The following UGGT2 variants were observed in gnomAD, a reference collection of about 807,000 sequenced individuals.
UGGT2 encodes UDP-glucose glycoprotein glucosyltransferase 2, also known as UDP-glucose:glycoprotein glucosyltransferase 2.
Under a neutral mutation model 192.1 loss-of-function variants are expected in UGGT2, and 180 were observed. That is an observed-to-expected ratio of 0.94 (90% confidence interval 0.83 to 1.06). The LOEUF (loss-of-function observed/expected upper bound fraction) is 1.06, where lower values mean the gene tolerates loss of function less well. Ranked by LOEUF, UGGT2 falls within the 50% of genes least tolerant of loss-of-function variation. The pLI is 0.00. For missense variants in UGGT2, 1,849 were observed against 1,795.7 expected (o/e 1.03, Z -0.54); for synonymous variants, 580 against 591.0 (o/e 0.98, Z 0.27).
chr13:95,926,930 A>G lies in UGGT2; in HGVS notation c.2200+98T>C. 7 of 1,189,020 alleles carry G rather than the reference A, an allele frequency of 5.9e-6. No individual in the cohort carries two copies. In the South Asian group the frequency reaches 1.1e-4, roughly 19 times the overall value. The allele number at this position is 1,189,020 out of a possible 1,614,324, so 73.7% of individuals were successfully genotyped here. ...AAATTGAAATCTAGGCCTCTACTCA[A>G]AAATAGCAACATATTAAAATTTATT... is the stretch of plus-strand genomic sequence containing the variant. On this transcript the variant is annotated intron_variant, in intron 19 of 38. Coordinates refer to ENST00000376747, the MANE Select transcript of UGGT2 (RefSeq NM_020121.4).
intron 38 of UGGT2, among the ~76,000 whole-genome samples, chr13:95,804,490 T>C (rs1230559087): frequency 6.6e-6 from 1 of 152,186 alleles, no homozygotes; most frequent in Non-Finnish European, 1.5e-5. Context: ...TCACAAGGGA[T>C]GCCGAAAATA....
intron 26 of UGGT2, 74 bp downstream of exon 26, chr13:95,887,818 A>G (rs1207830106): frequency 1.1e-6 from 1 of 896,392 alleles, no homozygotes; most frequent in Non-Finnish European, 1.8e-6. Context: ...AACCAGGTCC[A>G]GTAACAATGA....
chr13:95,865,552 T>C (rs1174742000), intron 30 of UGGT2, among the ~76,000 whole-genome samples: 1 of 152,138 alleles, frequency 6.6e-6, no homozygotes, highest in Admixed American at 6.5e-5. Flanking sequence ...TGGTCCCAGT[T>C]ACTCAGGGGG....
At position 95,877,311 on chromosome 13, in the gene UGGT2, T is replaced by C; in HGVS notation, c.3441A>G (p.Gln1147=). 1 of 1,603,748 alleles carries C rather than the reference T, an allele frequency of 6.2e-7. No homozygotes were observed. Among genetic ancestry groups the C allele is most frequent in the Non-Finnish European group, 8.5e-7 (1 of 1,176,512 alleles). The change falls in exon 29 of 39, where the codon CAA becomes CAG. Residue 1147 remains glutamine (Q), a synonymous_variant. Transcript: ENST00000376747. ...NPGAWILRLH[Q]GKSEDIYQIV... is the part of the protein sequence containing the mutation. ...TTTGATAAATATCTTCAGATTTTCCTTGGTGTAACCTCAGTATCCAAGCAC... is the reference window on the plus strand; with the variant it reads ...TTTGATAAATATCTTCAGATTTTCCCTGGTGTAACCTCAGTATCCAAGCAC...
In UGGT2 at chr13:95,986,363, T is replaced by A. The variant is rs200277845; in HGVS notation, c.1001A>T (p.Asp334Val). The A allele has an allele frequency of 1.2e-6, 2 of 1,603,802 alleles. No individual in the cohort carries two copies. The highest frequency in any genetic ancestry group is 4.5e-5 in the East Asian group (2 of 44,594). The change falls in exon 9 of 39, where the codon GAC becomes GTC. Residue 334 changes from aspartate (D) to valine (V), a missense_variant. Coordinates refer to ENST00000376747, the MANE Select transcript of UGGT2 (RefSeq NM_020121.4). ...PVYDSIKLMK[D>V]ISQNFPIKAR... ...TTTTATGGGGAAGTTCTGTGAAATG[T>A]CTTTCATTAATTTAATGGAATCATA...
At chr13:96,042,471 C>A (rs1249216093) in intron 1 of UGGT2, among the ~76,000 whole-genome samples, 3 of 151,902 alleles carry the variant, frequency 2.0e-5, no homozygotes, top group African/African-American at 4.8e-5. Context: ...TAACACCCCC[C>A]AAAAAAATCA....
intron 36 of UGGT2, 33 bp downstream of exon 36, chr13:95,853,510 C>G (rs568473882): frequency 6.4e-7 from 1 of 1,574,404 alleles, no homozygotes; most frequent in South Asian, 1.1e-5. Flanking sequence ...TATGTACACA[C>G]ACTCAAAATT....
rs564052798 is a variant in UGGT2, at chr13:96,021,330, T to C, written c.485+1710A>G. Among the ~76,000 whole-genome samples the C allele has an allele frequency of 2.6e-5, 4 of 152,348 alleles. No homozygotes were observed. In the South Asian group the frequency reaches 8.3e-4, roughly 32 times the overall value. ...GTAATCTTCAAGATACTTTAGTTTC[T>C]ATAATTATAAAAGTTGACATCAGAA... On this transcript the variant is annotated intron_variant, in intron 4 of 38. Transcript: ENST00000376747.
chr13:96,036,943 T>C (rs1247402394), intron 1 of UGGT2, among the ~76,000 whole-genome samples: 1 of 152,182 alleles, frequency 6.6e-6, no homozygotes, highest in East Asian at 1.9e-4. Flanking sequence ...AAAGTTTTTT[T>C]AAAGGTAACA....
chr13:95,882,741 A>G (rs2047529200), intron 27 of UGGT2, among the ~76,000 whole-genome samples: 1 of 152,218 alleles, frequency 6.6e-6, no homozygotes, highest in Non-Finnish European at 1.5e-5. Context: ...CTACAAAAAA[A>G]AGTTTTAGTT....
At chr13:96,003,279 C>T (rs1343893642) in intron 5 of UGGT2, among the ~76,000 whole-genome samples, 1 of 152,124 alleles carries the variant, frequency 6.6e-6, no homozygotes, top group Non-Finnish European at 1.5e-5. Flanking sequence ...AGTGAACCTG[C>T]ATCATAAAAT....
intron 17 of UGGT2, among the ~76,000 whole-genome samples, chr13:95,928,977 G>A (rs1019331070): frequency 2.2e-4 from 34 of 152,300 alleles, no homozygotes; most frequent in East Asian, 1.4e-3. Flanking sequence ...CAGATCACTC[G>A]AGGTCAGGAG....
At chr13:95,826,775 T>C (rs1379506321) in intron 38 of UGGT2, among the ~76,000 whole-genome samples, 1 of 151,134 alleles carries the variant, frequency 6.6e-6, no homozygotes, top group African/African-American at 2.4e-5. Context: ...AACTAATTAA[T>C]GTAATCCTTT....
intron 36 of UGGT2, among the ~76,000 whole-genome samples, chr13:95,837,479 C>G (rs773582165): frequency 6.6e-6 from 1 of 152,172 alleles, no homozygotes; most frequent in African/African-American, 2.4e-5. Flanking sequence ...ATTCAATAGT[C>G]CCCACAATGG....
chr13:95,853,021 GT>G (rs1036197198), intron 36 of UGGT2, among the ~76,000 whole-genome samples: 27 of 152,176 alleles, frequency 1.8e-4, no homozygotes, highest in African/African-American at 6.5e-4. Flanking sequence ...CATGGGGGTG[GT>G]TTCCCCCATC....
intron 15 of UGGT2, among the ~76,000 whole-genome samples, chr13:95,943,203 T>C (rs1484638080): frequency 6.6e-6 from 1 of 152,090 alleles, no homozygotes; most frequent in African/African-American, 2.4e-5. Context: ...ATATAAATTT[T>C]AAAATAAAAC....
chr13:95,995,965 AAAAG>A (rs755363002), intron 7 of UGGT2, 94 bp downstream of exon 7: 8 of 1,009,968 alleles, frequency 7.9e-6, no homozygotes, highest in Non-Finnish European at 1.1e-5. Context: ...CTTTCTACAT[AAAAG>A]AAAGGTGAAG....
At chr13:95,984,737 C>T (rs1241532312) in intron 9 of UGGT2, among the ~76,000 whole-genome samples, 1 of 152,068 alleles carries the variant, frequency 6.6e-6, no homozygotes, top group African/African-American at 2.4e-5. Flanking sequence ...CTAAACATGA[C>T]TAGCTTTTAC....
At chr13:95,848,713 C>G (rs1888719574) in intron 36 of UGGT2, among the ~76,000 whole-genome samples, 1 of 152,064 alleles carries the variant, frequency 6.6e-6, no homozygotes, top group Non-Finnish European at 1.5e-5. Flanking sequence ...TATTGCTAGT[C>G]TTCTGACTTT....
Sources: allele counts gnomAD v4.1 joint callset (sites outside exome capture counted in the v4.1 genomes callset), GRCh38; gene constraint gnomAD v4.1.1; transcripts MANE v1.5; gene names NCBI Gene and HGNC (gene_info 2026-07-23, HGNC 2026-07-21).